Variants in SORCS3 observed in about 807,000 individuals in gnomAD.
The protein encoded by SORCS3 is sortilin related VPS10 domain containing receptor 3, also known as VPS10 domain-containing receptor SorCS3.
In SORCS3, 57 loss-of-function variants were observed where a neutral mutation model predicts 146.3. That is an observed-to-expected ratio of 0.39 (90% CI 0.31 to 0.49). The LOEUF (loss-of-function observed/expected upper bound fraction) is 0.49. Ranked by LOEUF, SORCS3 falls within the 20% of genes least tolerant of loss-of-function variation. SORCS3 has a pLI of 0.92. For missense variants in SORCS3, 1,341 were observed against 1,575.5 expected (o/e 0.85, Z 2.52); for synonymous variants, 653 against 618.5 (o/e 1.06, Z -0.83).
chr10:105,055,651 A>C (rs1166026387), intron 5 of SORCS3, among the ~76,000 whole-genome samples: 1 of 152,200 alleles, frequency 6.6e-6, no homozygotes, highest in Non-Finnish European at 1.5e-5. Context: ...ATCCTTGTTA[A>C]TTTGGTAGCA....
chr10:105,086,314 C>G (rs2055660161), intron 5 of SORCS3, among the ~76,000 whole-genome samples: 1 of 152,138 alleles, frequency 6.6e-6, no homozygotes, highest in Non-Finnish European at 1.5e-5. Flanking sequence ...TGAGCAGACC[C>G]AAACCACAGG....
intron 4 of SORCS3, among the ~76,000 whole-genome samples, chr10:105,002,809 G>T (rs187732487): frequency 6.6e-6 from 1 of 152,140 alleles, no homozygotes; most frequent in East Asian, 1.9e-4. Context: ...GTATGTACTT[G>T]AGTACGTTCC....
chr10:104,736,134 G>A (rs1356313889), intron 1 of SORCS3, among the ~76,000 whole-genome samples: 1 of 152,112 alleles, frequency 6.6e-6, no homozygotes, highest in African/African-American at 2.4e-5. Context: ...CTTCTTAATT[G>A]TCCTCCTGCG....
intron 6 of SORCS3, among the ~76,000 whole-genome samples, chr10:105,100,277 A>G (rs979478875): frequency 6.6e-6 from 1 of 152,212 alleles, no homozygotes; most frequent in South Asian, 2.1e-4. Flanking sequence ...TTACATTTAG[A>G]AATATATTAA....
chr10:104,739,137 C>G (rs755011088), intron 1 of SORCS3, among the ~76,000 whole-genome samples: 27 of 152,200 alleles, frequency 1.8e-4, no homozygotes, highest in Non-Finnish European at 3.7e-4. Context: ...GGTATCATCA[C>G]TTTTGTCTCT....
At chr10:105,196,128 A>G (rs953069954) in intron 14 of SORCS3, among the ~76,000 whole-genome samples, 1 of 152,204 alleles carries the variant, frequency 6.6e-6, no homozygotes, top group Admixed American at 6.5e-5. Flanking sequence ...TCAGTAATGG[A>G]TATCTCAAAG....
At chr10:104,747,969 T>C (rs2016930664) in intron 1 of SORCS3, among the ~76,000 whole-genome samples, 1 of 152,228 alleles carries the variant, frequency 6.6e-6, no homozygotes, top group Non-Finnish European at 1.5e-5. Flanking sequence ...GTGGGAATAA[T>C]AGTAGCCCAA....
intron 1 of SORCS3, among the ~76,000 whole-genome samples, chr10:104,839,561 T>C (rs1192847347): frequency 1.3e-5 from 2 of 152,188 alleles, no homozygotes; most frequent in Admixed American, 6.5e-5. Flanking sequence ...AGAGTATGCA[T>C]GGGCCAGATT....
intron 7 of SORCS3, among the ~76,000 whole-genome samples, chr10:105,136,723 G>A (rs1050759624): frequency 5.3e-5 from 8 of 152,128 alleles, no homozygotes; most frequent in African/African-American, 1.7e-4. Flanking sequence ...TGGCAAGTAC[G>A]GAGAAGGACA....
intron 1 of SORCS3, among the ~76,000 whole-genome samples, chr10:104,814,863 G>A (rs1357878132): frequency 6.6e-6 from 1 of 152,134 alleles, no homozygotes; most frequent in African/African-American, 2.4e-5. Context: ...CCATTTTTAA[G>A]TCTTCTCACA....
chr10:104,885,526 G>T (rs556894953), intron 2 of SORCS3, among the ~76,000 whole-genome samples: 2 of 152,210 alleles, frequency 1.3e-5, no homozygotes, highest in South Asian at 4.1e-4. Context: ...TGTTAGGACC[G>T]GAACAGTGTT....
intron 4 of SORCS3, among the ~76,000 whole-genome samples, chr10:105,020,052 C>T (rs2055189702): frequency 6.6e-6 from 1 of 152,114 alleles, no homozygotes; most frequent in Non-Finnish European, 1.5e-5. Context: ...CTTAGAGCTC[C>T]AATGCTTTAT....
intron 1 of SORCS3, among the ~76,000 whole-genome samples, chr10:104,780,160 C>T (rs74155034): frequency 0.043 from 6,346 of 148,456 alleles, 144 homozygotes; most frequent in Admixed American, 0.054. Context: ...TAAGCCACAA[C>T]GGAGCAATTT....
rs2017532141 is a variant in SORCS3, at chr10:104,794,627, GAGAGAGAGAGAGA to G, written c.628-48164_628-48152del. On this transcript the variant is annotated intron_variant, in intron 1 of 26. Transcript: ENST00000369701. Reference sequence around the variant, plus strand: ...TGTGAGAGAGAGAGAGGGAGGGAGAGAGAGAGAGAGAGAGAGAGAGAGAGAGAGAGAGAATATT... The same window carrying G: ...TGTGAGAGAGAGAGAGGGAGGGAGAGGAGAGAGAGAGAGAGAGAGAATATT... 9.1e-5 allele frequency among the ~76,000 whole-genome samples: 13 copies of G among 142,422 alleles called. 1 individual carries two copies. Among genetic ancestry groups the G allele is most frequent in the African/African-American group, 3.2e-4 (12 of 37,450 alleles). The allele number at this position is 142,422 out of a possible 152,430, so 93.4% of individuals were successfully genotyped here.
At chr10:105,246,247 C>G (rs553988283) in intron 21 of SORCS3, among the ~76,000 whole-genome samples, 1 of 152,152 alleles carries the variant, frequency 6.6e-6, no homozygotes, top group African/African-American at 2.4e-5. Context: ...AATGAAAGTG[C>G]CTCTACTGCC....
chr10:104,907,356 A>G (rs1273430455), intron 2 of SORCS3, among the ~76,000 whole-genome samples: 1 of 152,156 alleles, frequency 6.6e-6, no homozygotes, highest in African/African-American at 2.4e-5. Context: ...TGGCATTTTA[A>G]AACCTAAATA....
chr10:105,007,919 C>A (rs2055107444), intron 4 of SORCS3, among the ~76,000 whole-genome samples: 1 of 152,062 alleles, frequency 6.6e-6, no homozygotes, highest in Admixed American at 6.6e-5. Flanking sequence ...GAAGAAGTCC[C>A]CTCTGGGCTG....
rs1297813066 is a variant in SORCS3 at position 105,264,227 on chromosome 10, C to G, written c.*853C>G. The G allele has an allele frequency of 6.6e-6, 1 of 150,920 alleles. No homozygotes were observed. The highest frequency in any genetic ancestry group is 6.6e-5 in the Admixed American group (1 of 15,148). 9.3% of individuals were successfully genotyped at this position (150,920 alleles called of 1,614,324 possible). A position where few individuals can be genotyped will look rare whatever the true frequency, so the allele number is the denominator to read the frequency against. ...ATAGAACATGGCAGTCGTTTTTGTT[C>G]CAAGAATGATATGAAAGGTGAAGAA... On this transcript the variant is annotated 3_prime_UTR_variant, in exon 27 of 27. Transcript: ENST00000369701.
intron 1 of SORCS3, among the ~76,000 whole-genome samples, chr10:104,798,339 G>A (rs1184854669): frequency 6.6e-6 from 1 of 152,124 alleles, no homozygotes. Flanking sequence ...TATCAGTCCT[G>A]GTAACATTCA....
Sources: gnomAD v4.1 joint callset for allele counts (sites outside exome capture counted in the v4.1 genomes callset) on GRCh38, gnomAD v4.1.1 for gene constraint, MANE v1.5 for transcripts, NCBI Gene and HGNC (gene_info 2026-07-23, HGNC 2026-07-21) for gene names.